The following ERC1 variants were observed in gnomAD, a reference collection of about 807,000 sequenced individuals.
The protein encoded by ERC1 is RAB6 interacting protein 2.
ERC1 carries 56 observed loss-of-function variants against 132.0 expected under a neutral mutation model. The ratio of observed to expected loss-of-function variants is 0.42; its 90% confidence interval spans 0.34 to 0.53. The LOEUF (loss-of-function observed/expected upper bound fraction) is 0.53, where lower values mean the gene tolerates loss of function less well. Ranked by LOEUF, ERC1 falls within the 20% of genes least tolerant of loss-of-function variation. The probability of loss-of-function intolerance (pLI) is 0.03; values close to 1 mark genes in which losing one functional copy is unlikely to be tolerated. For synonymous variants in ERC1, 478 were observed against 476.1 expected (o/e 1.00, Z -0.05); for missense variants, 1,202 against 1,349.9 (o/e 0.89, Z 1.72).
At position 1,133,064 on chromosome 12, in the gene ERC1, G is replaced by C. The variant is rs1794689411; in HGVS notation, c.1570-8556G>C. ...GTAGAGACGGGATTTCACATTGTTG[G>C]CCAGGCTGGTCTTGAACTCCTCACC... On this transcript the variant is annotated intron_variant, in intron 7 of 18. Transcript: ENST00000360905. Among the ~76,000 whole-genome samples the C allele has an allele frequency of 5.3e-5, 8 of 151,782 alleles. No homozygotes were observed. In the South Asian group the frequency reaches 1.7e-3, roughly 32 times the overall value.
intron 14 of ERC1, among the ~76,000 whole-genome samples, chr12:1,283,797 G>A (rs2078852831): frequency 2.0e-5 from 3 of 152,262 alleles, no homozygotes; most frequent in Middle Eastern, 6.8e-3. Flanking sequence ...TGTAATAGTT[G>A]TACGTATTTA....
chr12:1,100,798 A>C lies in ERC1; in HGVS notation c.1087-3952A>C, dbSNP rs531591168. Among the ~76,000 whole-genome samples, 4 of 152,264 alleles carry C rather than the reference A, an allele frequency of 2.6e-5. No individual in the cohort carries two copies. The East Asian group carries it at 5.8e-4, about 22-fold the overall frequency. On this transcript the variant is annotated intron_variant, in intron 3 of 18. Transcript: ENST00000360905. The stretch of plus-strand genomic sequence containing the variant: ...AAAGTAAAGGTACATACGAGTATGG[A>C]TTTCAGTAGGAGGTAAACATTTGGG...
At chr12:1,165,659 A>G (rs867919816) in intron 8 of ERC1, among the ~76,000 whole-genome samples, 4 of 152,312 alleles carry the variant, frequency 2.6e-5, no homozygotes, top group Middle Eastern at 6.8e-3. Context: ...TTAAGAAGAA[A>G]TAAACATGGC....
At chr12:1,434,279 C>A (rs1041443335) in intron 17 of ERC1, among the ~76,000 whole-genome samples, 1 of 152,124 alleles carries the variant, frequency 6.6e-6, no homozygotes, top group African/African-American at 2.4e-5. Flanking sequence ...TTTGTGAGTA[C>A]TAAAAGGTGG....
chr12:1,458,604 G>A (rs2093588542), intron 18 of ERC1, among the ~76,000 whole-genome samples: 1 of 145,122 alleles, frequency 6.9e-6, no homozygotes, highest in South Asian at 2.2e-4. Context: ...GCACGATCTT[G>A]GCTCACCACA....
At position 1,491,323 on chromosome 12, in the gene ERC1, C is replaced by T. The variant is rs111549453; in HGVS notation, c.*1093C>T. On this transcript the variant is annotated 3_prime_UTR_variant, in exon 19 of 19. Coordinates refer to ENST00000360905, the MANE Select transcript of ERC1 (RefSeq NM_178040.4). ...ACTCGTCTTCTCTGAACCTCAGCCT[C>T]GTGCATTGCCTGGAACCTTCTTCTA... 1.3e-5 allele frequency: 3 copies of T among 231,184 alleles called. No individual in the cohort carries two copies. Among genetic ancestry groups the T allele is most frequent in the African/African-American group, 2.2e-5 (1 of 45,236 alleles). 14.3% of individuals were successfully genotyped at this position (231,184 alleles called of 1,614,324 possible).
chr12:1,003,096 C>CAAAAAAA (rs59507923), intron 1 of ERC1, among the ~76,000 whole-genome samples: 2 of 86,922 alleles, frequency 2.3e-5, no homozygotes, highest in Admixed American at 1.5e-4. Flanking sequence ...ATGAAAAATG[C>CAAAAAAA]AAAAAAAAAA....
intron 18 of ERC1, among the ~76,000 whole-genome samples, chr12:1,483,668 C>CT (rs35596394): frequency 0.014 from 760 of 55,218 alleles, 256 homozygotes; most frequent in Non-Finnish European, 0.02. Flanking sequence ...CCACTGAGAG[C>CT]TTTTTTTTTT....
chr12:1,166,606 G>T (rs1333746838), intron 8 of ERC1, among the ~76,000 whole-genome samples: 1 of 152,068 alleles, frequency 6.6e-6, no homozygotes, highest in African/African-American at 2.4e-5. Flanking sequence ...AAAGATGTTG[G>T]ATTTTATAAA....
chr12:1,032,856 A>C (rs897230424), intron 2 of ERC1, among the ~76,000 whole-genome samples: 1 of 151,570 alleles, frequency 6.6e-6, no homozygotes, highest in Non-Finnish European at 1.5e-5. Flanking sequence ...ATGATAGTAC[A>C]TTCTCAGGTT....
rs549901552 is a variant in ERC1 at position 1,035,138 on chromosome 12, C to A, written c.669+6566C>A. Among the ~76,000 whole-genome samples the A allele has an allele frequency of 2.0e-5, 3 of 152,276 alleles. No homozygotes were observed. In the South Asian group the frequency reaches 6.2e-4, roughly 32 times the overall value. On this transcript the variant is annotated intron_variant, in intron 2 of 18. Transcript: ENST00000360905. Reference sequence around the variant, plus strand: ...ATGCTAATTAATAGATTATAGTCAGCCAGCAGTGGGGCCTAATTAAACTCT... The same window carrying A: ...ATGCTAATTAATAGATTATAGTCAGACAGCAGTGGGGCCTAATTAAACTCT...
At chr12:1,205,496 A>G (rs1002908166) in intron 12 of ERC1, among the ~76,000 whole-genome samples, 7 of 151,790 alleles carry the variant, frequency 4.6e-5, no homozygotes, top group African/African-American at 1.7e-4. Context: ...TTACACTGGG[A>G]TAAGTGTTAA....
At chr12:1,468,638 AAGG>A (rs929203401) in intron 18 of ERC1, among the ~76,000 whole-genome samples, 3 of 151,800 alleles carry the variant, frequency 2.0e-5, no homozygotes, top group Admixed American at 2.0e-4. Context: ...GAGGAAAGGA[AAGG>A]AGGAAGAAAG....
intron 13 of ERC1, among the ~76,000 whole-genome samples, chr12:1,243,646 C>T (rs2154308192): frequency 6.6e-6 from 1 of 152,288 alleles, no homozygotes; most frequent in Admixed American, 6.5e-5. Flanking sequence ...AAGTAAGGCT[C>T]AGTTTTGGCG....
intron 18 of ERC1, among the ~76,000 whole-genome samples, chr12:1,446,208 C>T (rs902158104): frequency 2.0e-5 from 3 of 151,836 alleles, no homozygotes; most frequent in African/African-American, 7.3e-5. Flanking sequence ...CAGTAAAAGA[C>T]AGGGTAAGGC....
intron 6 of ERC1, among the ~76,000 whole-genome samples, chr12:1,113,521 A>G (rs1279111816): frequency 6.6e-6 from 1 of 152,240 alleles, no homozygotes; most frequent in East Asian, 1.9e-4. Context: ...TTCTGAAAAT[A>G]ATTGTGGCTA....
chr12:1,432,284 T>C (rs1299774907), intron 17 of ERC1, among the ~76,000 whole-genome samples: 2 of 152,264 alleles, frequency 1.3e-5, no homozygotes, highest in Non-Finnish European at 2.9e-5. Flanking sequence ...CTTTAGACAC[T>C]GAAATCTCAT....
chr12:1,296,879 T>C (rs1453625677), intron 15 of ERC1, among the ~76,000 whole-genome samples: 2 of 152,258 alleles, frequency 1.3e-5, no homozygotes, highest in Non-Finnish European at 2.9e-5. Flanking sequence ...TGTGGAACAC[T>C]AGAAGGATAA....
At chr12:1,350,643 T>G (rs2084911581) in intron 15 of ERC1, among the ~76,000 whole-genome samples, 1 of 152,234 alleles carries the variant, frequency 6.6e-6, no homozygotes. Flanking sequence ...TCCTGTTTTA[T>G]AGGGACTTAC....
Sources: gnomAD v4.1 joint callset for allele counts (sites outside exome capture counted in the v4.1 genomes callset) on GRCh38, gnomAD v4.1.1 for gene constraint, MANE v1.5 for transcripts, NCBI Gene and HGNC (gene_info 2026-07-23, HGNC 2026-07-21) for gene names.